Variants in DNASE1 observed in about 807,000 individuals in gnomAD.
DNASE1 encodes the protein deoxyribonuclease-1.
DNASE1 carries 40 observed loss-of-function variants against 33.9 expected under a neutral mutation model. The ratio of observed to expected loss-of-function variants is 1.18; its 90% CI spans 0.92 to 1.54. The LOEUF is 1.54. DNASE1 is among the 40% of genes most tolerant of loss of function. DNASE1 has a pLI of 0.00. For missense variants in DNASE1, 518 were observed against 372.6 expected, an observed-to-expected ratio of 1.39 and a Z score of -3.21; for synonymous variants, 216 against 160.0, an observed-to-expected ratio of 1.35 and a Z score of -2.64.
At chr16:3,636,587 T>C (rs138060110) in intron 1 of DNASE1, among the ~76,000 whole-genome samples, 8,322 of 152,086 alleles carry the variant, frequency 0.055, 282 homozygotes, top group Admixed American at 0.073. Context: ...TTTGGGAGGC[T>C]GAGCGGGGAG....
chr16:3,664,368 GC>G, exon 10 of DNASE1: 1 of 1,612,868 alleles, frequency 6.2e-7, no homozygotes. Flanking sequence ...GCGGGTGCCG[GC>G]CCGCATGCGG....
At chr16:3,647,043 G>A (rs1255378293) in intron 1 of DNASE1, among the ~76,000 whole-genome samples, 2 of 152,192 alleles carry the variant, frequency 1.3e-5, no homozygotes, top group African/African-American at 4.8e-5. Flanking sequence ...GCTGAAGTGT[G>A]AGACAAAGCC....
At chr16:3,663,373 C>A in exon 10 of DNASE1, 1 of 1,609,616 alleles carries the variant, frequency 6.2e-7, no homozygotes, top group Non-Finnish European at 8.5e-7. Context: ...GCAGGAGAGG[C>A]GTGCGGGGAG....
chr16:3,630,861 A>C (rs1167112143), intron 1 of DNASE1, among the ~76,000 whole-genome samples: 1 of 152,074 alleles, frequency 6.6e-6, no homozygotes, highest in Non-Finnish European at 1.5e-5. Flanking sequence ...AAAAATAAAA[A>C]AGTAAGTTTC....
rs954152824 is a variant in DNASE1 at position 3,646,402 on chromosome 16, G to A, written c.-86+3366G>A. The stretch of plus-strand genomic sequence containing the variant: ...CCTGGAAGCCAGCCATAAATAAGCC[G>A]GCCATAAACGAGGGTAAACAGGTGC... On this transcript the variant is annotated intron_variant, in intron 1 of 9. Coordinates refer to the DNASE1 transcript ENST00000407479. Among the ~76,000 whole-genome samples the A allele has an allele frequency of 1.3e-4, 20 of 152,200 alleles. No individual in the cohort carries two copies. In the South Asian group the frequency reaches 1.5e-3, roughly 11 times the overall value.
chr16:3,659,643 A>G (rs574588113), downstream of DNASE1: 1 of 152,308 alleles, frequency 6.6e-6, no homozygotes, highest in African/African-American at 2.4e-5. Context: ...GTAAATTTGT[A>G]CAACCTCTCC....
chr16:3,658,810 G>T, downstream of DNASE1: 1 of 1,613,854 alleles, frequency 6.2e-7, no homozygotes, highest in Non-Finnish European at 8.5e-7. Context: ...ACCAGCAGCT[G>T]AGCCAGGCCA....
downstream of DNASE1, chr16:3,658,655 G>C: frequency 1.2e-6 from 1 of 847,628 alleles, no homozygotes; most frequent in Non-Finnish European, 1.8e-6. Flanking sequence ...CCTGGCAACA[G>C]AGCAACACTC....
At chr16:3,616,266 C>A (rs2041100173) in intron 1 of DNASE1, among the ~76,000 whole-genome samples, 1 of 152,184 alleles carries the variant, frequency 6.6e-6, no homozygotes, top group Admixed American at 6.5e-5. Context: ...AGCATAATCC[C>A]TATCAAAATC....
chr16:3,662,934 T>TC, downstream of DNASE1: 1 of 1,612,616 alleles, frequency 6.2e-7, no homozygotes. Flanking sequence ...GGCCATGAGC[T>TC]CCTCCGTCTC....
At chr16:3,652,500 C>T (rs1433080426), upstream of DNASE1, 1 of 152,308 alleles carries the variant, frequency 6.6e-6, no homozygotes, top group Non-Finnish European at 1.5e-5. Context: ...TGGAGGCTGT[C>T]CTAGACTTAG....
At chr16:3,637,240 C>G (rs1425901360) in intron 1 of DNASE1, among the ~76,000 whole-genome samples, 1 of 152,184 alleles carries the variant, frequency 6.6e-6, no homozygotes, top group African/African-American at 2.4e-5. Context: ...CTATAGGTGT[C>G]AGAACTAAAA....
downstream of DNASE1, chr16:3,662,451 A>G (rs2043137955): frequency 2.0e-5 from 11 of 537,490 alleles, no homozygotes; most frequent in South Asian, 2.2e-4. Flanking sequence ...GTGACCATGC[A>G]TGGGACGCTC....
At chr16:3,626,969 T>G (rs956172267) in intron 1 of DNASE1, among the ~76,000 whole-genome samples, 6 of 151,644 alleles carry the variant, frequency 4.0e-5, no homozygotes, top group African/African-American at 1.5e-4. Context: ...ACTCCTGAGC[T>G]CCAGTGATTC....
At chr16:3,645,081 T>C (rs1043963018) in intron 1 of DNASE1, among the ~76,000 whole-genome samples, 5 of 147,568 alleles carry the variant, frequency 3.4e-5, no homozygotes, top group African/African-American at 5.0e-5. Flanking sequence ...TGAGCCAAGA[T>C]TGTGCCACTG....
downstream of DNASE1, chr16:3,662,433 TCCTC>T (rs889469807): frequency 1.8e-6 from 1 of 551,280 alleles, no homozygotes; most frequent in Non-Finnish European, 3.3e-6. Context: ...TGAGGCCCCT[TCCTC>T]CAAGTGACCA....
intron 1 of DNASE1, among the ~76,000 whole-genome samples, chr16:3,617,153 C>G (rs1267583991): frequency 6.6e-6 from 1 of 150,954 alleles, no homozygotes; most frequent in Non-Finnish European, 1.5e-5. Flanking sequence ...GTGGAGAAAC[C>G]CCGTCTGTAC....
At chr16:3,640,528 C>T (rs575361864), upstream of DNASE1, among the ~76,000 whole-genome samples, 49 of 152,344 alleles carry the variant, frequency 3.2e-4, 1 homozygote, top group South Asian at 9.9e-3. Context: ...CTGTTTTCCA[C>T]CAACTGAAGG....
intron 1 of DNASE1, among the ~76,000 whole-genome samples, chr16:3,644,923 G>A (rs962688269): frequency 6.6e-6 from 1 of 151,504 alleles, no homozygotes; most frequent in Non-Finnish European, 1.5e-5. Context: ...GGGCTTAGGA[G>A]TTCGAGACCA....
Sources: gnomAD v4.1 joint callset for allele counts (sites outside exome capture counted in the v4.1 genomes callset) on GRCh38, gnomAD v4.1.1 for gene constraint, MANE v1.5 for transcripts, NCBI Gene and HGNC (gene_info 2026-07-23, HGNC 2026-07-21) for gene names.